The following TNR variants were observed in gnomAD, a reference collection of about 807,000 sequenced individuals.
TNR encodes tenascin-R.
A neutral mutation model predicts 150.4 loss-of-function variants in TNR; 45 were observed. The observed-to-expected ratio is 0.30, with a 90% confidence interval of 0.24 to 0.38. The LOEUF is 0.38. Among genes scored for constraint, TNR ranks in the 10% least tolerant of loss-of-function variants. The probability of loss-of-function intolerance (pLI) is 1.00; values close to 1 mark genes in which losing one functional copy is unlikely to be tolerated. For missense variants in TNR, 1,544 were observed against 1,759.1 expected, an observed-to-expected ratio of 0.88 and a Z score of 2.19; for synonymous variants, 687 against 678.4, an observed-to-expected ratio of 1.01 and a Z score of -0.20.
chr1:175,446,200 T>C (rs908670687), intron 2 of TNR, among the ~76,000 whole-genome samples: 1 of 152,202 alleles, frequency 6.6e-6, no homozygotes, highest in Non-Finnish European at 1.5e-5. Flanking sequence ...AGTTCTTGGT[T>C]TGAGTGCAGC....
At chr1:175,566,174 T>C (rs1661635692) in intron 1 of TNR, among the ~76,000 whole-genome samples, 1 of 152,244 alleles carries the variant, frequency 6.6e-6, no homozygotes, top group Non-Finnish European at 1.5e-5. Flanking sequence ...CATTATGGAC[T>C]CTTAGTACAT....
At chr1:175,360,856 T>C (rs1185342816) in intron 14 of TNR, among the ~76,000 whole-genome samples, 3 of 152,156 alleles carry the variant, frequency 2.0e-5, no homozygotes, top group Non-Finnish European at 4.4e-5. Context: ...GAGCACTCAC[T>C]TCCAAAAGTT....
At chr1:175,549,630 A>C (rs989733604) in intron 1 of TNR, among the ~76,000 whole-genome samples, 1 of 152,152 alleles carries the variant, frequency 6.6e-6, no homozygotes, top group Non-Finnish European at 1.5e-5. Flanking sequence ...TAAAAGCCTT[A>C]CTTTTTTTCA....
intron 1 of TNR, among the ~76,000 whole-genome samples, chr1:175,694,859 G>C (rs896289863): frequency 6.6e-6 from 1 of 152,142 alleles, no homozygotes; most frequent in African/African-American, 2.4e-5. Context: ...CTGACACCTT[G>C]ATCTCAGACT....
At chr1:175,728,400 A>G (rs948952577) in intron 1 of TNR, among the ~76,000 whole-genome samples, 1 of 152,214 alleles carries the variant, frequency 6.6e-6, no homozygotes, top group East Asian at 1.9e-4. Context: ...TCTGATGCCA[A>G]CATTAAAATT....
At chr1:175,564,889 TC>T (rs1661578878) in intron 1 of TNR, among the ~76,000 whole-genome samples, 1 of 152,210 alleles carries the variant, frequency 6.6e-6, no homozygotes, top group Non-Finnish European at 1.5e-5. Context: ...GCTTCCCTCT[TC>T]AGCTTTCTAC....
At chr1:175,644,509 G>A (rs187480456) in intron 1 of TNR, among the ~76,000 whole-genome samples, 1 of 152,186 alleles carries the variant, frequency 6.6e-6, no homozygotes, top group Non-Finnish European at 1.5e-5. Context: ...GTAGACCAGT[G>A]GTTAATTCCT....
intron 1 of TNR, among the ~76,000 whole-genome samples, chr1:175,677,651 G>A (rs1038275439): frequency 6.6e-6 from 1 of 152,188 alleles, no homozygotes; most frequent in African/African-American, 2.4e-5. Context: ...AGAAGATGGA[G>A]AGAAGGTACA....
At chr1:175,718,264 C>T (rs866062682) in intron 1 of TNR, among the ~76,000 whole-genome samples, 5 of 152,146 alleles carry the variant, frequency 3.3e-5, no homozygotes, top group Admixed American at 1.3e-4. Context: ...CCCAGCACCC[C>T]CTGTCCTGGC....
chr1:175,574,600 C>G (rs995669706), intron 1 of TNR, among the ~76,000 whole-genome samples: 2 of 152,218 alleles, frequency 1.3e-5, no homozygotes, highest in Non-Finnish European at 2.9e-5. Flanking sequence ...CACACACACA[C>G]ACAACCTTTT....
At chr1:175,370,653 A>G (rs1292830818) in intron 9 of TNR, among the ~76,000 whole-genome samples, 1 of 152,176 alleles carries the variant, frequency 6.6e-6, no homozygotes, top group Non-Finnish European at 1.5e-5. Context: ...CCTTGGTTGC[A>G]GAAATGAGAT....
chr1:175,431,602 C>T (rs1232613171), intron 2 of TNR, among the ~76,000 whole-genome samples: 3 of 151,766 alleles, frequency 2.0e-5, no homozygotes, highest in African/African-American at 7.3e-5. Context: ...ACCATTTCTC[C>T]TAGGTGGCCA....
At chr1:175,651,090 C>T (rs1236206505) in intron 1 of TNR, among the ~76,000 whole-genome samples, 2 of 89,330 alleles carry the variant, frequency 2.2e-5, no homozygotes, top group Non-Finnish European at 4.7e-5. Flanking sequence ...CTCCCCCCCA[C>T]CTCATTACTA....
chr1:175,613,501 G>C (rs1663665538), intron 1 of TNR, among the ~76,000 whole-genome samples: 1 of 143,114 alleles, frequency 7.0e-6, no homozygotes, highest in Admixed American at 7.4e-5. Flanking sequence ...TTCCCTGCCT[G>C]GTTCTTCTCG....
intron 9 of TNR, among the ~76,000 whole-genome samples, chr1:175,378,123 C>A (rs1652494729): frequency 6.6e-6 from 1 of 152,212 alleles, no homozygotes; most frequent in Non-Finnish European, 1.5e-5. Context: ...CTGCCTCTGA[C>A]CTTGCCCTTC....
intron 1 of TNR, among the ~76,000 whole-genome samples, chr1:175,581,355 T>A (rs574922519): frequency 4.6e-5 from 7 of 152,300 alleles, no homozygotes; most frequent in African/African-American, 1.7e-4. Context: ...CTAAATCCTT[T>A]CTTGGCATGT....
rs147867978 is a variant in TNR at position 175,472,404 on chromosome 1, T to A, written c.-64+55865A>T. 1.2e-3 allele frequency among the ~76,000 whole-genome samples: 177 copies of A among 152,334 alleles called. 1 individual carries two copies. The highest frequency in any genetic ancestry group is 4.2e-3 in the African/African-American group (174 of 41,574). On this transcript the variant is annotated intron_variant, in intron 2 of 22. Coordinates refer to ENST00000367674, the MANE Select transcript of TNR (RefSeq NM_003285.3). ...TAAAATGACTATAAAAAGTGTAGCA[T>A]AGTAAATATATAAAATAGTAACATA...
chr1:175,504,171 G>C (rs1658856341), intron 2 of TNR, among the ~76,000 whole-genome samples: 1 of 152,154 alleles, frequency 6.6e-6, no homozygotes, highest in African/African-American at 2.4e-5. Flanking sequence ...CAATGGTTCA[G>C]CTAGCATCTT....
chr1:175,656,808 G>A (rs1175985611), intron 1 of TNR, among the ~76,000 whole-genome samples: 1 of 152,084 alleles, frequency 6.6e-6, no homozygotes, highest in Non-Finnish European at 1.5e-5. Flanking sequence ...ATTACATGTG[G>A]TTGTATGAGC....
Sources: allele counts gnomAD v4.1 joint callset (sites outside exome capture counted in the v4.1 genomes callset), GRCh38; gene constraint gnomAD v4.1.1; transcripts MANE v1.5; gene names NCBI Gene and HGNC (gene_info 2026-07-23, HGNC 2026-07-21).